The following CRELD2 variants were observed in gnomAD, a reference collection of about 807,000 sequenced individuals.
CRELD2 encodes the protein protein disulfide isomerase CRELD2.
CRELD2 carries 33 observed loss-of-function variants against 48.1 expected under a neutral mutation model. That is an observed-to-expected ratio of 0.69 (90% CI 0.52 to 0.92). CRELD2 has a LOEUF of 0.92. Ranked by LOEUF, CRELD2 falls within the 40% of genes least tolerant of loss-of-function variation. The pLI is 0.00. For missense variants in CRELD2, 477 were observed against 482.4 expected (o/e 0.99, Z 0.10); for synonymous variants, 220 against 203.9 (o/e 1.08, Z -0.67).
In CRELD2 at chr22:49,923,310, G is replaced by A. The variant is rs776643675; in HGVS notation, c.765G>A (p.Thr255=). The change falls in exon 7 of 10, where the codon ACG becomes ACA. Residue 255 remains threonine, a synonymous_variant. Coordinates refer to ENST00000328268, the MANE Select transcript of CRELD2 (RefSeq NM_024324.5). Reference sequence around the variant, plus strand: ...GTAAGAACGCCAACGGCTCCTACACGTGCGAAGGTGGGCCAGGCGGGCGGG... The same window carrying A: ...GTAAGAACGCCAACGGCTCCTACACATGCGAAGGTGGGCCAGGCGGGCGGG... ...QFCKNANGSY[T]CEECDSSCVG... 207 of 1,608,922 alleles carry A rather than the reference G, an allele frequency of 1.3e-4. No individual in the cohort carries two copies. Among genetic ancestry groups the A allele is most frequent in the Non-Finnish European group, 1.6e-4 (189 of 1,178,544 alleles).
In CRELD2 at chr22:49,927,491, A is replaced by G. The variant is rs2060781061; in HGVS notation, c.*184A>G. The stretch of plus-strand genomic sequence containing the variant: ...TTCTTAAACAGACTTGTATATTTTG[A>G]TACAGTTCTTTGTAATAAAATTGAC... On this transcript the variant is annotated 3_prime_UTR_variant, in exon 10 of 10. Coordinates refer to ENST00000328268, the MANE Select transcript of CRELD2 (RefSeq NM_024324.5). 3 of 607,558 alleles carry G rather than the reference A, an allele frequency of 4.9e-6. No homozygotes were observed. The highest frequency in any genetic ancestry group is 9.0e-6 in the Non-Finnish European group (3 of 335,054). 37.6% of individuals were successfully genotyped at this position (607,558 alleles called of 1,614,324 possible).
chr22:49,925,903 GCCGC>G, intron 9 of CRELD2: 1 of 377,166 alleles, frequency 2.7e-6, no homozygotes, highest in Non-Finnish European at 4.3e-6. Flanking sequence ...TGCCCAGGGT[GCCGC>G]AGAGACAGGG....
At position 49,922,593 on chromosome 22, in the gene CRELD2, GC is replaced by G. The variant is rs1346267043; in HGVS notation, c.593-16del. The G allele has an allele frequency of 6.6e-7, 1 of 1,523,586 alleles. No individual in the cohort carries two copies. The highest frequency in any genetic ancestry group is 1.4e-5 in the African/African-American group (1 of 72,316). The allele number at this position is 1,523,586 out of a possible 1,614,324, so 94.4% of individuals were successfully genotyped here. On this transcript the variant is annotated intron_variant, in intron 5 of 9. Coordinates refer to ENST00000328268, the MANE Select transcript of CRELD2 (RefSeq NM_024324.5). ...ACCTGAGAGTGGGGTTTGTACCCAGGCCCGCCTTTGCCTTCCAGCCTGTGAC... is the reference window on the plus strand; with the variant it reads ...ACCTGAGAGTGGGGTTTGTACCCAGGCCGCCTTTGCCTTCCAGCCTGTGAC...
Position 49,927,359 on chromosome 22 carries a change from T to C in CRELD2, c.*52T>C, listed in dbSNP as rs537870815. 2 of 1,530,666 alleles carry C rather than the reference T, an allele frequency of 1.3e-6. No individual in the cohort carries two copies. The highest frequency in any genetic ancestry group is 2.2e-5 in the South Asian group (2 of 89,196). The allele number at this position is 1,530,666 out of a possible 1,614,324, so 94.8% of individuals were successfully genotyped here. ...TCAGAAGGATGTCCCGTGGAAAATG[T>C]GGCCCTGAGGATGCCGTCTCCTGCA... is the stretch of plus-strand genomic sequence containing the variant. On this transcript the variant is annotated 3_prime_UTR_variant, in exon 10 of 10. Transcript: ENST00000328268.
At chr22:49,922,773 G>A (rs552163946) in intron 6 of CRELD2, 66 bp downstream of exon 6, 82 of 265,044 alleles carry the variant, frequency 3.1e-4, no homozygotes, top group African/African-American at 2.7e-3. Context: ...AGATGGGGGC[G>A]TAAGGCGTGG....
Position 49,924,386 on chromosome 22 carries a change from A to C in CRELD2, c.799A>C (p.Thr267Pro). The C allele has an allele frequency of 1.2e-6, 2 of 1,612,426 alleles. No homozygotes were observed. Among genetic ancestry groups the C allele is most frequent in the Non-Finnish European group, 1.7e-6 (2 of 1,179,458 alleles). ...GTGTGACTCCAGCTGTGTGGGCTGC[A>C]CAGGGGAAGGCCCAGGAAACTGTAA... ...EECDSSCVGC[T>P]GEGPGNCKEC... Residue 267 changes from threonine (T) to proline (P), a missense_variant, in exon 8 of 10, where the codon ACA becomes CCA. Transcript: ENST00000328268.
chr22:49,921,631 C>T lies in CRELD2; in HGVS notation c.462C>T (p.Cys154=). 1 of 1,612,864 alleles carries T rather than the reference C, an allele frequency of 6.2e-7. No individual in the cohort carries two copies. Among genetic ancestry groups the T allele is most frequent in the East Asian group, 2.2e-5 (1 of 44,888 alleles). ...SQRPCSGNGH[C]SGDGSRQGDG... The stretch of plus-strand genomic sequence containing the variant: ...GGCCCTGCAGCGGGAATGGCCACTG[C>T]AGCGGAGATGGGAGCAGACAGGGCG... Residue 154 remains cysteine, a synonymous_variant, in exon 5 of 10, where the codon TGC becomes TGT. Coordinates refer to ENST00000328268, the MANE Select transcript of CRELD2 (RefSeq NM_024324.5).
At position 49,921,520 on chromosome 22, in the gene CRELD2, C is replaced by T. The variant is rs189301333; in HGVS notation, c.416-65C>T. 1.5e-4 allele frequency: 220 copies of T among 1,507,458 alleles called. 2 individuals are homozygous for T. Among genetic ancestry groups the T allele is most frequent in the East Asian group, 9.6e-4 (42 of 43,650 alleles). 93.4% of individuals were successfully genotyped at this position (1,507,458 alleles called of 1,614,324 possible). A position where few individuals can be genotyped will look rare whatever the true frequency, so the allele number is the denominator to read the frequency against. Reference sequence around the variant, plus strand: ...GGGTTTGGGTGCCATGCGTTCTCTCCGTGTGAGAACACCGCACCGGTCACC... The same window carrying T: ...GGGTTTGGGTGCCATGCGTTCTCTCTGTGTGAGAACACCGCACCGGTCACC... On this transcript the variant is annotated intron_variant, in intron 4 of 9. Transcript: ENST00000328268.
chr22:49,923,931 C>CGT, intron 7 of CRELD2: 1 of 231,890 alleles, frequency 4.3e-6, no homozygotes, highest in East Asian at 1.3e-4. Context: ...GCCTCTGCCC[C>CGT]GTGTGTGTGA....
chr22:49,920,890 T>C (rs2060678836), intron 4 of CRELD2, among the ~76,000 whole-genome samples: 1 of 152,206 alleles, frequency 6.6e-6, no homozygotes, highest in Non-Finnish European at 1.5e-5. Flanking sequence ...CCGCAGCTAA[T>C]GTTCCCACTC....
chr22:49,918,709 C>A lies in CRELD2; in HGVS notation c.-61C>A. ...GGGAGCGGGTGGGCGGCCGGGAGGC[C>A]GGAGCAGCACGGCCGCAGGACCTGG... On this transcript the variant is annotated 5_prime_UTR_variant, in exon 1 of 10. Transcript: ENST00000328268. 1.6e-6 allele frequency: 1 copy of A among 636,256 alleles called. No homozygotes were observed. The highest frequency in any genetic ancestry group is 7.1e-5 in the South Asian group (1 of 14,110). 39.4% of individuals were successfully genotyped at this position (636,256 alleles called of 1,614,324 possible).
At chr22:49,927,189 G>A in intron 9 of CRELD2, 66 bp from the exon 10 acceptor site, 1 of 1,418,216 alleles carries the variant, frequency 7.1e-7, no homozygotes, top group Non-Finnish European at 1.0e-6. Flanking sequence ...CTGCTGTCCT[G>A]GGAAAGGCCT....
chr22:49,924,644 G>C (rs192419536), intron 8 of CRELD2, 189 bp downstream of exon 8: 1 of 480,148 alleles, frequency 2.1e-6, no homozygotes, highest in African/African-American at 2.0e-5. Flanking sequence ...GGTGGGGGAC[G>C]GGCTCTGCAT....
At chr22:49,922,533 C>T in intron 5 of CRELD2, 79 bp from the exon 6 acceptor site, 2 of 1,483,038 alleles carry the variant, frequency 1.3e-6, no homozygotes, top group Non-Finnish European at 1.8e-6. Context: ...CTCTTAAATT[C>T]CTCACTTTTA....
At chr22:49,923,353 G>C (rs2060722608) in intron 7 of CRELD2, 36 bp downstream of exon 7, 1 of 1,529,046 alleles carries the variant, frequency 6.5e-7, no homozygotes, top group East Asian at 2.3e-5. Flanking sequence ...TCCGGGGCCT[G>C]CCGGGTTTCG....
At chr22:49,926,307 G>A (rs1251558483) in intron 9 of CRELD2, 1 of 152,204 alleles carries the variant, frequency 6.6e-6, no homozygotes, top group Non-Finnish European at 1.5e-5. Flanking sequence ...CGTGTTTTGG[G>A]GGACATAAAT....
intron 3 of CRELD2, 52 bp downstream of exon 3, chr22:49,919,892 T>C: frequency 7.4e-7 from 1 of 1,346,462 alleles, no homozygotes. Context: ...CAACTTAGAA[T>C]TTGAAATAAC....
At chr22:49,925,944 C>T (rs772193483) in intron 9 of CRELD2, 8 of 200,942 alleles carry the variant, frequency 4.0e-5, no homozygotes, top group East Asian at 1.5e-4. Flanking sequence ...GGAGGGCAAG[C>T]GGGTCCCCCA....
At position 49,921,639 on chromosome 22, in the gene CRELD2, A is replaced by G. The variant is rs1429879650; in HGVS notation, c.470A>G (p.Asp157Gly). 1 of 1,612,686 alleles carries G rather than the reference A, an allele frequency of 6.2e-7. No homozygotes were observed. The highest frequency in any genetic ancestry group is 8.5e-7 in the Non-Finnish European group (1 of 1,179,968). The change falls in exon 5 of 10, where the codon GAT becomes GGT. Residue 157 changes from aspartate to glycine, a missense_variant. Transcript: ENST00000328268. The stretch of plus-strand genomic sequence containing the variant: ...AGCGGGAATGGCCACTGCAGCGGAG[A>G]TGGGAGCAGACAGGGCGACGGGTCC... ...PCSGNGHCSG[D>G]GSRQGDGSCR... is the part of the protein sequence containing the mutation.
Sources: allele counts gnomAD v4.1 joint callset (sites outside exome capture counted in the v4.1 genomes callset), GRCh38; gene constraint gnomAD v4.1.1; transcripts MANE v1.5; gene names NCBI Gene and HGNC (gene_info 2026-07-23, HGNC 2026-07-21).